Variants in ADCY8 observed in about 807,000 individuals in gnomAD.
ADCY8 encodes the protein adenylate cyclase type 8.
A neutral mutation model predicts 119.7 loss-of-function variants in ADCY8; 51 were observed. The observed-to-expected ratio is 0.43, with a 90% CI of 0.34 to 0.54. ADCY8 has a LOEUF of 0.54. Ranked by LOEUF, ADCY8 falls within the 20% of genes least tolerant of loss-of-function variation. The pLI is 0.03. For missense variants in ADCY8, 1,383 were observed against 1,598.8 expected (o/e 0.87, Z 2.30); for synonymous variants, 665 against 651.0 (o/e 1.02, Z -0.33).
At chr8:130,797,553 T>C (rs1815623289) in intron 15 of ADCY8, among the ~76,000 whole-genome samples, 1 of 152,236 alleles carries the variant, frequency 6.6e-6, no homozygotes, top group Non-Finnish European at 1.5e-5. Context: ...CCATCTCTTA[T>C]GTGCTAGACA....
intron 2 of ADCY8, among the ~76,000 whole-genome samples, chr8:130,962,324 C>G (rs1586610168): frequency 6.6e-6 from 1 of 152,218 alleles, no homozygotes; most frequent in Non-Finnish European, 1.5e-5. Flanking sequence ...TAATACGATT[C>G]CCAACTCCTG....
intron 13 of ADCY8, among the ~76,000 whole-genome samples, chr8:130,816,242 G>A (rs924202715): frequency 6.6e-5 from 10 of 152,150 alleles, no homozygotes; most frequent in Middle Eastern, 3.4e-3. Flanking sequence ...GTAAACTTTA[G>A]TACAGAAATA....
At chr8:130,964,733 TA>T (rs1350454597) in intron 2 of ADCY8, among the ~76,000 whole-genome samples, 1 of 152,180 alleles carries the variant, frequency 6.6e-6, no homozygotes, top group Non-Finnish European at 1.5e-5. Flanking sequence ...AGATCAACAC[TA>T]AAAAAATGCT....
At chr8:130,794,554 A>G (rs965196977) in intron 15 of ADCY8, among the ~76,000 whole-genome samples, 2 of 152,206 alleles carry the variant, frequency 1.3e-5, no homozygotes, top group African/African-American at 4.8e-5. Flanking sequence ...CTGTTGTTTA[A>G]AGACACCAAA....
At chr8:130,942,407 G>C (rs1175374147) in intron 4 of ADCY8, among the ~76,000 whole-genome samples, 2 of 152,046 alleles carry the variant, frequency 1.3e-5, no homozygotes, top group African/African-American at 4.8e-5. Context: ...CATAACACAT[G>C]GCACATTTTA....
chr8:130,975,105 A>C (rs1822031908), intron 2 of ADCY8, among the ~76,000 whole-genome samples: 1 of 152,218 alleles, frequency 6.6e-6, no homozygotes, highest in African/African-American at 2.4e-5. Flanking sequence ...ATGGGCAAGA[A>C]CAGTGCTGTC....
chr8:130,952,073 G>T, intron 2 of ADCY8, 75 bp from the exon 3 acceptor site: 1 of 1,557,932 alleles, frequency 6.4e-7, no homozygotes, highest in Non-Finnish European at 8.7e-7. Context: ...GGGTGGAGAA[G>T]TCATGGGGCT....
At chr8:131,009,401 T>G (rs1473540680) in intron 1 of ADCY8, among the ~76,000 whole-genome samples, 1 of 152,194 alleles carries the variant, frequency 6.6e-6, no homozygotes, top group Non-Finnish European at 1.5e-5. Flanking sequence ...GGTTTCCCCC[T>G]TTTCCCCATC....
intron 15 of ADCY8, among the ~76,000 whole-genome samples, chr8:130,799,483 T>A (rs886964856): frequency 6.6e-6 from 1 of 152,118 alleles, no homozygotes; most frequent in Non-Finnish European, 1.5e-5. Flanking sequence ...TTTAGAGTGA[T>A]GTAGTAGTTG....
At chr8:130,865,980 C>T (rs1324300020) in intron 9 of ADCY8, among the ~76,000 whole-genome samples, 3 of 152,138 alleles carry the variant, frequency 2.0e-5, no homozygotes, top group African/African-American at 4.8e-5. Flanking sequence ...CAGTGCATAT[C>T]TGTTGGCTGT....
At chr8:130,972,950 A>G (rs565490973) in intron 2 of ADCY8, among the ~76,000 whole-genome samples, 161 of 152,196 alleles carry the variant, frequency 1.1e-3, no homozygotes, top group Middle Eastern at 3.4e-3. Context: ...TCATGTGAAA[A>G]TGACAACTAG....
intron 5 of ADCY8, among the ~76,000 whole-genome samples, chr8:130,934,106 G>A (rs796215752): frequency 2.0e-5 from 3 of 152,282 alleles, no homozygotes; most frequent in African/African-American, 7.2e-5. Flanking sequence ...ATTTGTTGAT[G>A]GGTTTACTGA....
rs117638483 is a variant in ADCY8 at position 131,017,127 on chromosome 8, C to T, written c.960+22247G>A. ...CTTTGTCACTAAGGCTGGAGTGCAGCGGCATGATCTCGGTTCACTGCAACC... is the reference window on the plus strand; with the variant it reads ...CTTTGTCACTAAGGCTGGAGTGCAGTGGCATGATCTCGGTTCACTGCAACC... On this transcript the variant is annotated intron_variant, in intron 1 of 17. Coordinates refer to ENST00000286355, the MANE Select transcript of ADCY8 (RefSeq NM_001115.3). 5.3e-3 allele frequency among the ~76,000 whole-genome samples: 802 copies of T among 151,042 alleles called. 10 individuals carry two copies. In the East Asian group the frequency reaches 0.075, roughly 14 times the overall value.
At chr8:131,035,486 T>C (rs1824125242) in intron 1 of ADCY8, among the ~76,000 whole-genome samples, 1 of 152,162 alleles carries the variant, frequency 6.6e-6, no homozygotes, top group Non-Finnish European at 1.5e-5. Context: ...GGGAATTTCC[T>C]GAGTGGCCCC....
intron 6 of ADCY8, among the ~76,000 whole-genome samples, chr8:130,907,492 G>A (rs961845017): frequency 1.3e-5 from 2 of 152,138 alleles, no homozygotes; most frequent in African/African-American, 4.8e-5. Context: ...ACTAGACTAC[G>A]TGCTTTATAA....
Position 131,040,092 on chromosome 8 carries a change from G to A in ADCY8, c.242C>T (p.Pro81Leu), listed in dbSNP as rs1162355080. The change falls in exon 1 of 18, where the codon CCG becomes CTG. Residue 81 changes from proline (P) to leucine (L), a missense_variant. By Grantham distance (98) the Pro-to-Leu change is moderately conservative. Around this residue, in one of 2 missense-constraint regions of ADCY8, gnomAD observed 455 missense variants for 435.3 expected, o/e 1.05. Transcript: ENST00000286355. Reference sequence around the variant, plus strand: ...CAGCGCCGAGTCGCCTGACAGCTGCGGCGCGTGGTGGTTGGGGCCGCCGCC... The same window carrying A: ...CAGCGCCGAGTCGCCTGACAGCTGCAGCGCGTGGTGGTTGGGGCCGCCGCC... ...PAGGGPNHHA[P>L]QLSGDSALPL... 2.0e-6 allele frequency: 3 copies of A among 1,529,398 alleles called. No individual in the cohort carries two copies. The Admixed American group carries it at 6.0e-5, about 30-fold the overall frequency. 94.7% of individuals were successfully genotyped at this position (1,529,398 alleles called of 1,614,324 possible). A position where few individuals can be genotyped will look rare whatever the true frequency, so the allele number is the denominator to read the frequency against.
chr8:130,887,650 C>G (rs1358575687), intron 7 of ADCY8, among the ~76,000 whole-genome samples: 1 of 152,124 alleles, frequency 6.6e-6, no homozygotes, highest in African/African-American at 2.4e-5. Context: ...ATCATTAACT[C>G]AAGAAGGCAA....
intron 11 of ADCY8, among the ~76,000 whole-genome samples, chr8:130,840,712 C>T (rs1242860838): frequency 6.6e-6 from 1 of 152,046 alleles, no homozygotes; most frequent in Non-Finnish European, 1.5e-5. Flanking sequence ...AGGTTGAATA[C>T]AGTGTTTTGG....
intron 2 of ADCY8, among the ~76,000 whole-genome samples, chr8:130,981,603 T>C (rs1822242954): frequency 6.6e-6 from 1 of 152,180 alleles, no homozygotes; most frequent in South Asian, 2.1e-4. Context: ...AGGTCCCTGA[T>C]GGTGATTGAT....
Sources: allele counts gnomAD v4.1 joint callset (sites outside exome capture counted in the v4.1 genomes callset), GRCh38; gene constraint gnomAD v4.1.1; regional missense constraint gnomAD v4.1.1; transcripts MANE v1.5; gene names NCBI Gene and HGNC (gene_info 2026-07-23, HGNC 2026-07-21).